DLG2: variants seen among roughly 807,000 people sequenced by gnomAD.
The protein encoded by DLG2 is disks large homolog 2.
Under a neutral mutation model 132.5 loss-of-function variants are expected in DLG2, and 45 were observed. The ratio of observed to expected loss-of-function variants is 0.34; its 90% CI spans 0.27 to 0.44. DLG2 has a LOEUF of 0.44. DLG2 is among the 20% of genes least tolerant of loss of function. The pLI is 1.00. For synonymous variants in DLG2, 424 were observed against 419.6 expected, an observed-to-expected ratio of 1.01 and a Z score of -0.13; for missense variants, 1,045 against 1,196.9, an observed-to-expected ratio of 0.87 and a Z score of 1.87.
intron 6 of DLG2, among the ~76,000 whole-genome samples, chr11:84,690,823 A>T (rs543639789): frequency 1.3e-5 from 2 of 152,014 alleles, no homozygotes; most frequent in East Asian, 1.9e-4. Flanking sequence ...ACCTAGGTTT[A>T]TCTGATTCCA....
intron 16 of DLG2, among the ~76,000 whole-genome samples, chr11:83,865,915 A>G (rs2062259566): frequency 6.6e-6 from 1 of 152,038 alleles, no homozygotes; most frequent in African/African-American, 2.4e-5. Context: ...TCAGTCATAC[A>G]CTCAGACAGA....
chr11:83,591,018 G>T (rs1385714441), intron 19 of DLG2, among the ~76,000 whole-genome samples: 1 of 151,846 alleles, frequency 6.6e-6, no homozygotes, highest in Admixed American at 6.6e-5. Flanking sequence ...CAACCCAAAA[G>T]AGTCCAGGAC....
At chr11:84,866,559 A>G (rs556633846) in intron 6 of DLG2, among the ~76,000 whole-genome samples, 2 of 151,348 alleles carry the variant, frequency 1.3e-5, no homozygotes, top group South Asian at 4.1e-4. Context: ...CTTACTGGCT[A>G]TTTGAGCCTG....
chr11:84,247,294 C>T (rs915650242), intron 8 of DLG2, among the ~76,000 whole-genome samples: 8 of 152,104 alleles, frequency 5.3e-5, no homozygotes, highest in Non-Finnish European at 1.2e-4. Flanking sequence ...GAGAGTAAAG[C>T]ATTATTATTT....
chr11:83,899,922 C>T (rs887720346), intron 15 of DLG2, among the ~76,000 whole-genome samples: 1 of 152,178 alleles, frequency 6.6e-6, no homozygotes, highest in African/African-American at 2.4e-5. Flanking sequence ...AAGTTTGGAA[C>T]TCCCTAGAGA....
chr11:84,110,587 G>T (rs1445446841), intron 9 of DLG2, among the ~76,000 whole-genome samples: 1 of 152,134 alleles, frequency 6.6e-6, no homozygotes, highest in Non-Finnish European at 1.5e-5. Flanking sequence ...ATGCAAGTCC[G>T]ATCCCAAAGA....
chr11:85,523,629 C>T (rs1353029459), intron 3 of DLG2, among the ~76,000 whole-genome samples: 2 of 152,034 alleles, frequency 1.3e-5, no homozygotes, highest in South Asian at 2.1e-4. Context: ...ACACTGCCAG[C>T]GAGAATGTAA....
chr11:83,537,833 AAAGAGAG>A (rs1370795300), intron 20 of DLG2, among the ~76,000 whole-genome samples: 9 of 124,442 alleles, frequency 7.2e-5, no homozygotes, highest in Non-Finnish European at 1.0e-4. Context: ...AAAAAAAAAA[AAAGAGAG>A]AGAGAGATAC....
intron 21 of DLG2, among the ~76,000 whole-genome samples, chr11:83,511,538 A>G (rs990136807): frequency 4.6e-5 from 7 of 152,154 alleles, no homozygotes; most frequent in African/African-American, 1.7e-4. Context: ...TTATAGTGCT[A>G]AATGGAACCA....
intron 8 of DLG2, among the ~76,000 whole-genome samples, chr11:84,175,099 GC>G (rs1313393210): frequency 6.6e-6 from 1 of 152,126 alleles, no homozygotes; most frequent in African/African-American, 2.4e-5. Flanking sequence ...AACAAAATTA[GC>G]AAATGAGTGC....
chr11:85,149,664 CAATT>C (rs2077095832), intron 5 of DLG2, among the ~76,000 whole-genome samples: 1 of 152,112 alleles, frequency 6.6e-6, no homozygotes, highest in Non-Finnish European at 1.5e-5. Flanking sequence ...CAGATGTATT[CAATT>C]AATATAATAT....
chr11:84,219,370 G>A (rs565047547), intron 8 of DLG2, among the ~76,000 whole-genome samples: 1 of 152,264 alleles, frequency 6.6e-6, no homozygotes, highest in African/African-American at 2.4e-5. Context: ...TTTTGAACTT[G>A]AGAATTGAAG....
At chr11:85,301,215 C>T (rs554975602) in intron 3 of DLG2, among the ~76,000 whole-genome samples, 9 of 151,592 alleles carry the variant, frequency 5.9e-5, no homozygotes, top group East Asian at 3.9e-4. Context: ...CAAAACAAAA[C>T]GAAAAAAACA....
intron 3 of DLG2, among the ~76,000 whole-genome samples, chr11:85,326,252 G>C (rs2081448028): frequency 7.0e-6 from 1 of 141,868 alleles, no homozygotes; most frequent in Non-Finnish European, 1.5e-5. Flanking sequence ...CCAACGTTCA[G>C]ATTCGGGAAA....
chr11:83,748,109 T>C (rs1354554237), intron 18 of DLG2, among the ~76,000 whole-genome samples: 1 of 152,238 alleles, frequency 6.6e-6, no homozygotes, highest in South Asian at 2.1e-4. Flanking sequence ...TTCCTTTAGA[T>C]AGATTCTGTA....
At chr11:84,300,133 T>C (rs933868999) in intron 7 of DLG2, among the ~76,000 whole-genome samples, 3 of 152,206 alleles carry the variant, frequency 2.0e-5, no homozygotes, top group South Asian at 2.1e-4. Flanking sequence ...CCTATCCCTA[T>C]GTAAACATAC....
chr11:83,810,333 T>G (rs2046938758), intron 17 of DLG2, among the ~76,000 whole-genome samples: 1 of 152,132 alleles, frequency 6.6e-6, no homozygotes, highest in African/African-American at 2.4e-5. Context: ...GAAAGTAAAT[T>G]GTGCTGCAAT....
At chr11:85,236,235 G>C (rs973923202) in intron 4 of DLG2, among the ~76,000 whole-genome samples, 3 of 151,936 alleles carry the variant, frequency 2.0e-5, no homozygotes, top group African/African-American at 7.2e-5. Flanking sequence ...GCTGCCACTC[G>C]TCCAGTGCCA....
At chr11:84,725,930 A>G (rs1257030023) in intron 6 of DLG2, among the ~76,000 whole-genome samples, 1 of 151,940 alleles carries the variant, frequency 6.6e-6, no homozygotes, top group Non-Finnish European at 1.5e-5. Context: ...AACAATTCTA[A>G]ATCTTTAACC....
Sources: gnomAD v4.1 joint callset for allele counts (sites outside exome capture counted in the v4.1 genomes callset) on GRCh38, gnomAD v4.1.1 for gene constraint, MANE v1.5 for transcripts, NCBI Gene and HGNC (gene_info 2026-07-23, HGNC 2026-07-21) for gene names.